The following POU6F2 variants were observed in gnomAD, a reference collection of about 807,000 sequenced individuals.
POU6F2 encodes POU class 6 homeobox 2, also known as POU domain, class 6, transcription factor 2.
A neutral mutation model predicts 71.3 loss-of-function variants in POU6F2; 31 were observed. The observed-to-expected ratio is 0.43, with a 90% confidence interval of 0.33 to 0.59. The LOEUF is 0.59. Ranked by LOEUF, POU6F2 falls within the 20% of genes least tolerant of loss-of-function variation. The pLI, the probability that POU6F2 is intolerant of heterozygous loss-of-function variation, is 0.04. For missense variants in POU6F2, 783 were observed against 856.8 expected (o/e 0.91, Z 1.07); for synonymous variants, 347 against 355.7 (o/e 0.98, Z 0.27).
At chr7:39,157,522 C>A (rs1206396144) in intron 2 of POU6F2, among the ~76,000 whole-genome samples, 1 of 152,050 alleles carries the variant, frequency 6.6e-6, no homozygotes, top group African/African-American at 2.4e-5. Context: ...TTATTAAATG[C>A]TGAGTGTATA....
At chr7:39,350,752 G>A (rs1786124338) in intron 5 of POU6F2, among the ~76,000 whole-genome samples, 1 of 152,194 alleles carries the variant, frequency 6.6e-6, no homozygotes. Flanking sequence ...TACCAGAAAG[G>A]AAGACCTGCA....
At chr7:39,103,508 C>A (rs1427993656) in intron 2 of POU6F2, among the ~76,000 whole-genome samples, 1 of 152,184 alleles carries the variant, frequency 6.6e-6, no homozygotes, top group Non-Finnish European at 1.5e-5. Flanking sequence ...GATCCAAAGA[C>A]TGAAAAGCCA....
chr7:39,166,514 G>A (rs1239763159), intron 2 of POU6F2, among the ~76,000 whole-genome samples: 1 of 152,132 alleles, frequency 6.6e-6, no homozygotes. Context: ...GAAGGAGGGT[G>A]TGTTTAGGAA....
At chr7:39,053,453 C>T (rs1203229357) in intron 1 of POU6F2, among the ~76,000 whole-genome samples, 1 of 151,958 alleles carries the variant, frequency 6.6e-6, no homozygotes, top group Non-Finnish European at 1.5e-5. Context: ...TCTCTTTTTT[C>T]ATACATATAT....
chr7:39,270,084 T>C (rs1159493809), intron 4 of POU6F2, among the ~76,000 whole-genome samples: 1 of 152,052 alleles, frequency 6.6e-6, no homozygotes, highest in Non-Finnish European at 1.5e-5. Context: ...ATCTCGTTTA[T>C]TTCTCCCTGT....
chr7:39,384,402 T>C (rs1413821326), intron 5 of POU6F2, among the ~76,000 whole-genome samples: 2 of 152,208 alleles, frequency 1.3e-5, no homozygotes. Flanking sequence ...CACGCTCTTA[T>C]CAATGATCAT....
intron 2 of POU6F2, among the ~76,000 whole-genome samples, chr7:39,123,137 T>G (rs1792078635): frequency 6.6e-6 from 1 of 152,208 alleles, no homozygotes; most frequent in Admixed American, 6.5e-5. Flanking sequence ...TGTGTGCAAA[T>G]CAGCTGTCAT....
At chr7:39,258,163 A>G (rs1784062433) in intron 4 of POU6F2, among the ~76,000 whole-genome samples, 1 of 152,218 alleles carries the variant, frequency 6.6e-6, no homozygotes, top group South Asian at 2.1e-4. Context: ...AATACCACGT[A>G]GATGACTTGG....
At chr7:39,076,537 A>G (rs933601745) in intron 1 of POU6F2, among the ~76,000 whole-genome samples, 3 of 152,214 alleles carry the variant, frequency 2.0e-5, no homozygotes, top group Non-Finnish European at 4.4e-5. Context: ...TTTAAAAAGA[A>G]AAAGAAAAAG....
intron 2 of POU6F2, among the ~76,000 whole-genome samples, chr7:39,127,213 C>T (rs1053935096): frequency 5.9e-5 from 9 of 152,100 alleles, no homozygotes; most frequent in Admixed American, 3.9e-4. Flanking sequence ...GAATTTGAGA[C>T]GTTTTAAGTG....
At chr7:39,038,977 A>G (rs925680743) in intron 1 of POU6F2, among the ~76,000 whole-genome samples, 2 of 151,916 alleles carry the variant, frequency 1.3e-5, no homozygotes, top group Non-Finnish European at 2.9e-5. Context: ...CTGCTTATGA[A>G]GTGCTCTTAG....
At chr7:39,149,441 C>T (rs143744543) in intron 2 of POU6F2, among the ~76,000 whole-genome samples, 10 of 151,888 alleles carry the variant, frequency 6.6e-5, no homozygotes, top group East Asian at 1.9e-4. Context: ...TGATGTTATG[C>T]GATACATAAA....
chr7:39,015,916 T>TATA (rs1789507648), intron 1 of POU6F2, among the ~76,000 whole-genome samples: 2 of 41,406 alleles, frequency 4.8e-5, no homozygotes. Flanking sequence ...TATTATATAT[T>TATA]ATATATAGAT....
intron 4 of POU6F2, among the ~76,000 whole-genome samples, chr7:39,319,881 C>T (rs1785349210): frequency 6.6e-6 from 1 of 152,210 alleles, no homozygotes; most frequent in Non-Finnish European, 1.5e-5. Context: ...TATTTAAAAT[C>T]ATATTTCTGT....
intron 5 of POU6F2, among the ~76,000 whole-genome samples, chr7:39,351,734 A>G (rs887277252): frequency 6.6e-6 from 1 of 152,186 alleles, no homozygotes; most frequent in African/African-American, 2.4e-5. Flanking sequence ...CTCACCTTGA[A>G]TGGTAAAGTG....
At chr7:39,414,610 G>A (rs537577801) in intron 6 of POU6F2, among the ~76,000 whole-genome samples, 4 of 152,316 alleles carry the variant, frequency 2.6e-5, no homozygotes, top group South Asian at 2.1e-4. Context: ...AGCTGCGGAC[G>A]CGCGGGACGT....
At chr7:39,409,257 C>T (rs1310062419) in intron 6 of POU6F2, among the ~76,000 whole-genome samples, 1 of 152,146 alleles carries the variant, frequency 6.6e-6, no homozygotes, top group Non-Finnish European at 1.5e-5. Flanking sequence ...TGGAAGTTCA[C>T]CCAAGAGTAA....
intron 6 of POU6F2, among the ~76,000 whole-genome samples, chr7:39,429,212 C>T (rs1788040544): frequency 6.6e-6 from 1 of 152,060 alleles, no homozygotes; most frequent in Admixed American, 6.5e-5. Flanking sequence ...GCATTCAACT[C>T]CCCATCCCCC....
chr7:39,260,163 G>A (rs369849737), intron 4 of POU6F2, among the ~76,000 whole-genome samples: 21 of 82,396 alleles, frequency 2.5e-4, no homozygotes, highest in South Asian at 7.4e-4. Flanking sequence ...TACACACACC[G>A]CACACACTCC....
Sources: allele counts gnomAD v4.1 joint callset (sites outside exome capture counted in the v4.1 genomes callset), GRCh38; gene constraint gnomAD v4.1.1; transcripts MANE v1.5; gene names NCBI Gene and HGNC (gene_info 2026-07-23, HGNC 2026-07-21).